FOXN3: variants seen among roughly 807,000 people sequenced by gnomAD.
The protein encoded by FOXN3 is forkhead box N3, also known as forkhead box protein N3.
FOXN3 carries 7 observed loss-of-function variants against 38.4 expected under a neutral mutation model. The ratio of observed to expected loss-of-function variants is 0.18; its 90% CI spans 0.10 to 0.34. The LOEUF (loss-of-function observed/expected upper bound fraction) is 0.34. Among genes scored for constraint, FOXN3 ranks in the 10% least tolerant of loss-of-function variants. FOXN3 has a pLI of 1.00. For synonymous variants in FOXN3, 230 were observed against 242.2 expected (o/e 0.95, Z 0.47); for missense variants, 456 against 613.4 (o/e 0.74, Z 2.71).
intron 1 of FOXN3, among the ~76,000 whole-genome samples, chr14:89,506,979 C>T (rs1374199328): frequency 6.6e-6 from 1 of 152,146 alleles, no homozygotes; most frequent in Non-Finnish European, 1.5e-5. Context: ...CCCAGCGACA[C>T]AAACACTGCG....
chr14:89,492,571 G>A (rs868101499), intron 1 of FOXN3, among the ~76,000 whole-genome samples: 1 of 152,138 alleles, frequency 6.6e-6, no homozygotes, highest in South Asian at 2.1e-4. Context: ...TTTTAGTTGG[G>A]CATGGTGGTA....
intron 3 of FOXN3, among the ~76,000 whole-genome samples, chr14:89,288,530 T>TC (rs1886708654): frequency 1.2e-5 from 1 of 83,640 alleles, no homozygotes; most frequent in African/African-American, 3.7e-5. Flanking sequence ...AAAATGATGT[T>TC]TACTATCAAC....
rs2139796209 is a variant in FOXN3, at chr14:89,180,955, C to A, written c.746-149G>T. The stretch of plus-strand genomic sequence containing the variant: ...AAACACACACACACACGTGCACATA[C>A]ACACACACACACACAGTCACACAGA... On this transcript the variant is annotated intron_variant, in intron 4 of 5. Coordinates refer to ENST00000557258, the MANE Select transcript of FOXN3 (RefSeq NM_005197.4). The A allele has an allele frequency of 9.1e-6, 4 of 440,992 alleles. No homozygotes were observed. The East Asian group carries it at 2.0e-4, about 22-fold the overall frequency. The allele number at this position is 440,992 out of a possible 1,614,324, so 27.3% of individuals were successfully genotyped here.
At chr14:89,568,359 C>T (rs1487209116) in intron 1 of FOXN3, among the ~76,000 whole-genome samples, 1 of 152,164 alleles carries the variant, frequency 6.6e-6, no homozygotes, top group Non-Finnish European at 1.5e-5. Context: ...ATGCTTGAAA[C>T]TGGCCGATGT....
At chr14:89,273,946 T>C (rs1034165105) in intron 4 of FOXN3, among the ~76,000 whole-genome samples, 2 of 152,210 alleles carry the variant, frequency 1.3e-5, no homozygotes, top group Non-Finnish European at 2.9e-5. Context: ...ATTTTCCTTT[T>C]CTGCCATTGC....
intron 4 of FOXN3, among the ~76,000 whole-genome samples, chr14:89,194,031 G>C (rs1315778131): frequency 6.6e-6 from 1 of 152,068 alleles, no homozygotes; most frequent in Non-Finnish European, 1.5e-5. Flanking sequence ...TTTTTAGTTA[G>C]GTGGTTCAAC....
chr14:89,472,516 C>T (rs1322589490), intron 1 of FOXN3, among the ~76,000 whole-genome samples: 7 of 151,972 alleles, frequency 4.6e-5, no homozygotes, highest in Non-Finnish European at 7.4e-5. Context: ...GTCAGGAGAT[C>T]GAGACCACCT....
At chr14:89,604,840 C>A (rs1467106822) in intron 1 of FOXN3, among the ~76,000 whole-genome samples, 1 of 152,160 alleles carries the variant, frequency 6.6e-6, no homozygotes, top group African/African-American at 2.4e-5. Context: ...TGAGACTTAG[C>A]ATTGATTTAT....
upstream of FOXN3, chr14:89,417,630 C>T: frequency 2.2e-6 from 1 of 452,784 alleles, no homozygotes; most frequent in Non-Finnish European, 4.4e-6. Flanking sequence ...GCTCCTACCC[C>T]ATCTGCATGC....
chr14:89,292,378 AT>A (rs1392185946), intron 3 of FOXN3, among the ~76,000 whole-genome samples: 16 of 152,016 alleles, frequency 1.1e-4, no homozygotes, highest in Admixed American at 1.0e-3. Flanking sequence ...CCACTCCCCC[AT>A]GTCACCACCA....
At chr14:89,409,662 T>G (rs1891488546) in intron 2 of FOXN3, among the ~76,000 whole-genome samples, 1 of 152,242 alleles carries the variant, frequency 6.6e-6, no homozygotes. Context: ...CAGCACTTTC[T>G]TCTCCACGTT....
chr14:89,411,706 A>G lies in FOXN3; in HGVS notation c.543+228T>C, dbSNP rs117152502. 5.2e-3 allele frequency among the ~76,000 whole-genome samples: 788 copies of G among 152,258 alleles called. 6 individuals carry two copies. Among genetic ancestry groups the G allele is most frequent in the Non-Finnish European group, 8.1e-3 (554 of 68,008 alleles). ...AAACCACTGTTTTATCTTTATGGAA[A>G]CCCTATCAGTGGGAAACTCTCAAAT... On this transcript the variant is annotated intron_variant, in intron 2 of 5. Coordinates refer to ENST00000557258, the MANE Select transcript of FOXN3 (RefSeq NM_005197.4).
chr14:89,337,657 G>A (rs1888505535), intron 3 of FOXN3, among the ~76,000 whole-genome samples: 1 of 149,594 alleles, frequency 6.7e-6, no homozygotes, highest in Non-Finnish European at 1.5e-5. Flanking sequence ...TTGAGACGGA[G>A]TCTTGCTCTG....
At chr14:89,256,215 T>C (rs892383056) in intron 4 of FOXN3, among the ~76,000 whole-genome samples, 3 of 152,170 alleles carry the variant, frequency 2.0e-5, no homozygotes, top group African/African-American at 7.2e-5. Flanking sequence ...AATGAATAAC[T>C]GGCATAAAAA....
chr14:89,554,891 C>A (rs545511790), intron 1 of FOXN3, among the ~76,000 whole-genome samples: 1 of 146,674 alleles, frequency 6.8e-6, no homozygotes, highest in Non-Finnish European at 1.5e-5. Flanking sequence ...CAGGTTCAAG[C>A]GATTCTCCTG....
At chr14:89,196,023 T>C (rs1888089772) in intron 4 of FOXN3, among the ~76,000 whole-genome samples, 1 of 152,208 alleles carries the variant, frequency 6.6e-6, no homozygotes, top group African/African-American at 2.4e-5. Flanking sequence ...CCTTCGCCCA[T>C]GCTTCAGTAA....
At chr14:89,413,034 G>T (rs1566646352) in intron 1 of FOXN3, among the ~76,000 whole-genome samples, 1 of 152,044 alleles carries the variant, frequency 6.6e-6, no homozygotes, top group Non-Finnish European at 1.5e-5. Flanking sequence ...ACATGCCATA[G>T]AATTCTATCC....
chr14:89,319,942 T>C (rs1409129404), intron 3 of FOXN3, among the ~76,000 whole-genome samples: 1 of 152,206 alleles, frequency 6.6e-6, no homozygotes, highest in African/African-American at 2.4e-5. Flanking sequence ...TCCCTTGCCA[T>C]CCAGTAAGAG....
chr14:89,391,742 T>C (rs6575062), intron 2 of FOXN3, among the ~76,000 whole-genome samples: 29,448 of 152,090 alleles, frequency 0.19, 3,035 homozygotes, highest in South Asian at 0.39. Context: ...CGGTGGCTCA[T>C]GCCTGTAATC....
Sources: allele counts gnomAD v4.1 joint callset (sites outside exome capture counted in the v4.1 genomes callset), GRCh38; gene constraint gnomAD v4.1.1; transcripts MANE v1.5; gene names NCBI Gene and HGNC (gene_info 2026-07-23, HGNC 2026-07-21).